The following MACROD2 variants were observed in gnomAD, a reference collection of about 807,000 sequenced individuals.
MACROD2 encodes the protein ADP-ribose glycohydrolase MACROD2.
In MACROD2, 36 loss-of-function variants were observed where a neutral mutation model predicts 70.4. That is an observed-to-expected ratio of 0.51 (90% CI 0.39 to 0.68). MACROD2 has a LOEUF of 0.68. Among genes scored for constraint, MACROD2 ranks in the 30% least tolerant of loss-of-function variants. The probability of loss-of-function intolerance (pLI) is 0.00; values close to 1 mark genes in which losing one functional copy is unlikely to be tolerated. For missense variants in MACROD2, 496 were observed against 538.4 expected (o/e 0.92, Z 0.78); for synonymous variants, 172 against 178.8 (o/e 0.96, Z 0.30).
chr20:14,044,503 ATTTTACAGAGAGCTGATTGGTGTG>A (rs908003691), intron 2 of MACROD2, among the ~76,000 whole-genome samples: 20 of 152,010 alleles, frequency 1.3e-4, no homozygotes, highest in African/African-American at 2.9e-4. Flanking sequence ...TGGTTGGTCC[ATTTTACAGAGAGCTGATTGGTGTG>A]TTTTACAGAG....
At chr20:15,115,027 A>C (rs544044484) in intron 5 of MACROD2, among the ~76,000 whole-genome samples, 1 of 152,162 alleles carries the variant, frequency 6.6e-6, no homozygotes. Flanking sequence ...CCTGCCACCT[A>C]TCTTTGCCAA....
At chr20:15,327,149 C>A (rs1301794983) in intron 6 of MACROD2, among the ~76,000 whole-genome samples, 2 of 152,072 alleles carry the variant, frequency 1.3e-5, no homozygotes, top group Non-Finnish European at 2.9e-5. Flanking sequence ...CACTCACGGG[C>A]ATGTATGATT....
intron 7 of MACROD2, among the ~76,000 whole-genome samples, chr20:15,447,563 T>C (rs1210030615): frequency 6.6e-6 from 1 of 152,120 alleles, no homozygotes; most frequent in Non-Finnish European, 1.5e-5. Context: ...CTTCTCCAGC[T>C]CCCATCTCAC....
rs1353505854 is a variant in MACROD2 at position 15,812,784 on chromosome 20, C to T, written c.646-49961C>T. The stretch of plus-strand genomic sequence containing the variant: ...AAGTTGTTTGCTTTTGTCTCTTCAA[C>T]GTTAGAAGGACAAATGGTGCCTTGA... On this transcript the variant is annotated intron_variant, in intron 8 of 17. Transcript: ENST00000684519. Among the ~76,000 whole-genome samples the T allele has an allele frequency of 7.2e-5, 11 of 152,220 alleles. No homozygotes were observed. In the South Asian group the frequency reaches 1.0e-3, roughly 14 times the overall value.
chr20:15,680,141 A>T (rs1388572692), intron 8 of MACROD2, among the ~76,000 whole-genome samples: 2 of 152,114 alleles, frequency 1.3e-5, no homozygotes, highest in African/African-American at 4.8e-5. Flanking sequence ...TGGTCTCATA[A>T]AAAAAGTGCA....
chr20:15,695,584 T>C (rs1331240857), intron 8 of MACROD2, among the ~76,000 whole-genome samples: 2 of 152,026 alleles, frequency 1.3e-5, no homozygotes, highest in African/African-American at 4.8e-5. Flanking sequence ...CTAATTTTTG[T>C]ATTTTTAGTA....
chr20:15,107,514 C>T (rs2123211315), intron 5 of MACROD2, among the ~76,000 whole-genome samples: 1 of 151,646 alleles, frequency 6.6e-6, no homozygotes, highest in South Asian at 2.1e-4. Flanking sequence ...ATTTCTTCAA[C>T]AAGTAACATA....
At chr20:14,650,353 G>A (rs1035941426) in intron 4 of MACROD2, among the ~76,000 whole-genome samples, 2 of 152,060 alleles carry the variant, frequency 1.3e-5, no homozygotes, top group African/African-American at 4.8e-5. Context: ...ATTTTGTTCA[G>A]GTCTAAATGA....
chr20:14,866,093 A>C (rs1337498704), intron 5 of MACROD2, among the ~76,000 whole-genome samples: 2 of 152,154 alleles, frequency 1.3e-5, no homozygotes, highest in African/African-American at 4.8e-5. Flanking sequence ...AAATGACTAT[A>C]TATGAAATGA....
intron 3 of MACROD2, among the ~76,000 whole-genome samples, chr20:14,197,762 A>C (rs1468656347): frequency 6.6e-6 from 1 of 151,628 alleles, no homozygotes; most frequent in African/African-American, 2.4e-5. Flanking sequence ...GCCAGACTCC[A>C]TCTCAAAAAA....
rs575342530 is a variant in MACROD2 at position 15,914,047 on chromosome 20, T to A, written c.776-19229T>A. 4.1e-3 allele frequency among the ~76,000 whole-genome samples: 623 copies of A among 152,344 alleles called. 4 individuals carry two copies. The highest frequency in any genetic ancestry group is 0.02 in the Middle Eastern group (6 of 294). ...AAATCTCATTGTTTAAAGAGTTCTT[T>A]AGGGACTACCAGAGTAGTGGACATG... is the stretch of plus-strand genomic sequence containing the variant. On this transcript the variant is annotated intron_variant, in intron 10 of 17. Transcript: ENST00000684519.
chr20:15,882,687 A>G (rs1299284700), intron 9 of MACROD2, among the ~76,000 whole-genome samples: 1 of 152,016 alleles, frequency 6.6e-6, no homozygotes, highest in African/African-American at 2.4e-5. Flanking sequence ...TTGCATAGTT[A>G]TATGTGGTTT....
At chr20:14,003,793 G>A in intron 2 of MACROD2, 2 of 386,222 alleles carry the variant, frequency 5.2e-6, no homozygotes, top group Non-Finnish European at 1.0e-5. Context: ...AAAAAAAAAA[G>A]GTCTGGTTAA....
At chr20:15,032,132 C>G (rs2075279894) in intron 5 of MACROD2, among the ~76,000 whole-genome samples, 2 of 152,200 alleles carry the variant, frequency 1.3e-5, no homozygotes, top group South Asian at 4.1e-4. Context: ...AGAGTGGGCA[C>G]TGGGAGTGAG....
chr20:15,356,735 G>T (rs953084139), intron 6 of MACROD2, among the ~76,000 whole-genome samples: 1 of 152,144 alleles, frequency 6.6e-6, no homozygotes, highest in Non-Finnish European at 1.5e-5. Flanking sequence ...AGTGAGCTGC[G>T]ACTGCACCAC....
At chr20:14,184,325 T>C (rs1327357131) in intron 3 of MACROD2, among the ~76,000 whole-genome samples, 3 of 152,042 alleles carry the variant, frequency 2.0e-5, no homozygotes, top group Admixed American at 6.6e-5. Flanking sequence ...GGGTTGAAGA[T>C]CAGGTAACTG....
intron 5 of MACROD2, among the ~76,000 whole-genome samples, chr20:14,777,648 A>C (rs1338124283): frequency 6.6e-6 from 1 of 152,086 alleles, no homozygotes; most frequent in Admixed American, 6.5e-5. Flanking sequence ...GCCAGAGAAC[A>C]AAAAAGAAAC....
chr20:14,996,455 C>T (rs2074950403), intron 5 of MACROD2, among the ~76,000 whole-genome samples: 1 of 152,172 alleles, frequency 6.6e-6, no homozygotes, highest in Non-Finnish European at 1.5e-5. Flanking sequence ...GAATAGAACC[C>T]TCCAGCAATC....
intron 4 of MACROD2, among the ~76,000 whole-genome samples, chr20:14,656,410 A>G (rs537534498): frequency 2.5e-4 from 38 of 152,328 alleles, no homozygotes; most frequent in Non-Finnish European, 4.6e-4. Context: ...CTGTTCCCTC[A>G]TCCAAGCTTA....
Sources: gnomAD v4.1 joint callset for allele counts (sites outside exome capture counted in the v4.1 genomes callset) on GRCh38, gnomAD v4.1.1 for gene constraint, MANE v1.5 for transcripts, NCBI Gene and HGNC (gene_info 2026-07-23, HGNC 2026-07-21) for gene names.